The following SUSD6 variants were observed in gnomAD, a reference collection of about 807,000 sequenced individuals.
The protein encoded by SUSD6 is sushi domain containing 6.
Under a neutral mutation model 28.4 loss-of-function variants are expected in SUSD6, and 16 were observed. The ratio of observed to expected loss-of-function variants is 0.56; its 90% confidence interval spans 0.38 to 0.86. The LOEUF (loss-of-function observed/expected upper bound fraction) is 0.86, where lower values mean the gene tolerates loss of function less well. Among genes scored for constraint, SUSD6 ranks in the 40% least tolerant of loss-of-function variants. The pLI is 0.00. For synonymous variants in SUSD6, 147 were observed against 159.6 expected (o/e 0.92, Z 0.59); for missense variants, 341 against 384.2 (o/e 0.89, Z 0.94).
At chr14:69,625,593 C>T (rs1885102609) in intron 1 of SUSD6, among the ~76,000 whole-genome samples, 4 of 152,176 alleles carry the variant, frequency 2.6e-5, no homozygotes, top group African/African-American at 9.7e-5. Flanking sequence ...CCGGTCTGGA[C>T]AGAGGGGGTT....
chr14:69,714,762 A>T lies in SUSD6; in HGVS notation c.*3783A>T, dbSNP rs888572527. 3 of 152,218 alleles carry T rather than the reference A, an allele frequency of 2.0e-5. No individual in the cohort carries two copies. The highest frequency in any genetic ancestry group is 6.5e-5 in the Admixed American group (1 of 15,280). 9.4% of individuals were successfully genotyped at this position (152,218 alleles called of 1,614,324 possible). A position where few individuals can be genotyped will look rare whatever the true frequency, so the allele number is the denominator to read the frequency against. ...ACCTCAAGGTTGAGCCCCTCTGCCAAGCAGCAGAGCTAGTAGAAGGGGATG... is the reference window on the plus strand; with the variant it reads ...ACCTCAAGGTTGAGCCCCTCTGCCATGCAGCAGAGCTAGTAGAAGGGGATG... On this transcript the variant is annotated 3_prime_UTR_variant, in exon 6 of 6. Transcript: ENST00000342745.
chr14:69,700,602 C>T (rs1594722808), intron 2 of SUSD6, among the ~76,000 whole-genome samples: 1 of 152,196 alleles, frequency 6.6e-6, no homozygotes, highest in East Asian at 1.9e-4. Context: ...CACTTCAGTG[C>T]ATTTACTTCA....
In SUSD6 at chr14:69,711,058, C is replaced by G; in HGVS notation, c.*79C>G. 2.1e-6 allele frequency: 3 copies of G among 1,437,708 alleles called. No homozygotes were observed. The highest frequency in any genetic ancestry group is 1.1e-5 in the South Asian group (1 of 87,326). 89.1% of individuals were successfully genotyped at this position (1,437,708 alleles called of 1,614,324 possible). On this transcript the variant is annotated 3_prime_UTR_variant, in exon 6 of 6. Coordinates refer to ENST00000342745, the MANE Select transcript of SUSD6 (RefSeq NM_014734.4). ...TCCCTGTGGGATTGAGCACCCTGTA[C>G]TCTCCAGCCACCTTACCTGGATACC...
intron 2 of SUSD6, among the ~76,000 whole-genome samples, chr14:69,679,398 T>TA (rs1470970578): frequency 2.0e-5 from 3 of 152,206 alleles, no homozygotes; most frequent in Non-Finnish European, 4.4e-5. Context: ...TATAAATATG[T>TA]AAAATTTTTA....
At chr14:69,629,384 T>C (rs949041750) in intron 1 of SUSD6, among the ~76,000 whole-genome samples, 3 of 152,136 alleles carry the variant, frequency 2.0e-5, no homozygotes, top group Non-Finnish European at 4.4e-5. Flanking sequence ...ATTTATAGAC[T>C]GGCCTGTACT....
At chr14:69,655,022 T>C (rs1885560740) in intron 1 of SUSD6, among the ~76,000 whole-genome samples, 1 of 152,068 alleles carries the variant, frequency 6.6e-6, no homozygotes, top group African/African-American at 2.4e-5. Context: ...CTTGAACTCC[T>C]CACCTTGTGA....
intron 1 of SUSD6, among the ~76,000 whole-genome samples, chr14:69,626,392 A>G (rs1007108817): frequency 1.3e-5 from 2 of 152,204 alleles, no homozygotes; most frequent in African/African-American, 2.4e-5. Flanking sequence ...AATTTTACCA[A>G]TCTCAGTTTG....
At chr14:69,708,613 A>G (rs956054471) in intron 4 of SUSD6, 64 bp from the exon 5 acceptor site, 93 of 1,352,180 alleles carry the variant, frequency 6.9e-5, no homozygotes, top group Non-Finnish European at 6.3e-5. Context: ...TATTATTATT[A>G]TCATGCCTGT....
At chr14:69,619,083 A>G (rs559684471) in intron 1 of SUSD6, among the ~76,000 whole-genome samples, 2 of 152,276 alleles carry the variant, frequency 1.3e-5, no homozygotes, top group East Asian at 1.9e-4. Flanking sequence ...CCTGATTCCT[A>G]GTCTAGTGCT....
At chr14:69,694,870 C>T (rs67737953) in intron 2 of SUSD6, among the ~76,000 whole-genome samples, 33,494 of 151,982 alleles carry the variant, frequency 0.22, 4,042 homozygotes, top group South Asian at 0.31. Flanking sequence ...GCTGATCTTC[C>T]GAGGAGGGCT....
intron 2 of SUSD6, among the ~76,000 whole-genome samples, chr14:69,694,834 TC>T (rs1238583417): frequency 7.9e-5 from 12 of 152,158 alleles, no homozygotes; most frequent in African/African-American, 2.9e-4. Flanking sequence ...GATGGACAGG[TC>T]CGAGGCCTGT....
intron 2 of SUSD6, among the ~76,000 whole-genome samples, chr14:69,691,544 T>C (rs1886152757): frequency 6.6e-6 from 1 of 152,188 alleles, no homozygotes; most frequent in African/African-American, 2.4e-5. Context: ...AGTGGCCTGT[T>C]GAGTGCCTAA....
chr14:69,624,016 T>C (rs1885078765), intron 1 of SUSD6, among the ~76,000 whole-genome samples: 1 of 152,226 alleles, frequency 6.6e-6, no homozygotes, highest in African/African-American at 2.4e-5. Flanking sequence ...TCTACAGTAA[T>C]GTACAGTAAT....
intron 2 of SUSD6, among the ~76,000 whole-genome samples, chr14:69,677,546 C>CAAAAA (rs57290539): frequency 8.7e-6 from 1 of 114,498 alleles, no homozygotes; most frequent in Non-Finnish European, 1.8e-5. Context: ...GACTCCGTCT[C>CAAAAA]AAAAAAAAAA....
At chr14:69,617,878 T>A (rs1292123637) in intron 1 of SUSD6, among the ~76,000 whole-genome samples, 2 of 152,114 alleles carry the variant, frequency 1.3e-5, no homozygotes, top group African/African-American at 2.4e-5. Flanking sequence ...GGTCTGTGAG[T>A]GCCCTGAAAA....
At chr14:69,655,520 G>T (rs1885568733) in intron 1 of SUSD6, among the ~76,000 whole-genome samples, 1 of 152,262 alleles carries the variant, frequency 6.6e-6, no homozygotes, top group African/African-American at 2.4e-5. Flanking sequence ...ATGCTAGCCA[G>T]GCAGAGTGGC....
intron 1 of SUSD6, among the ~76,000 whole-genome samples, chr14:69,633,408 AC>A (rs1252340932): frequency 1.3e-5 from 2 of 152,024 alleles, no homozygotes; most frequent in Non-Finnish European, 2.9e-5. Context: ...TCTCTTCCCG[AC>A]CTTACCCTGC....
At position 69,654,790 on chromosome 14, in the gene SUSD6, G is replaced by GGTGTGTGTGTGT. The variant is rs34122510; in HGVS notation, c.-80-3711_-80-3700dup. On this transcript the variant is annotated intron_variant, in intron 1 of 5. Transcript: ENST00000342745. ...CAATTTCTTTTTTTTTTTTTTTTTT[G>GGTGTGTGTGTGT]GTGTGTGTGTGTGTGTGTGTGTGAA... Among the ~76,000 whole-genome samples the GGTGTGTGTGTGT allele has an allele frequency of 7.1e-4, 70 of 98,988 alleles. No homozygotes were observed. In the South Asian group the frequency reaches 0.016, roughly 22 times the overall value. 64.9% of individuals were successfully genotyped at this position (98,988 alleles called of 152,430 possible). A position where few individuals can be genotyped will look rare whatever the true frequency, so the allele number is the denominator to read the frequency against.
chr14:69,646,387 T>G (rs920476564), intron 1 of SUSD6, among the ~76,000 whole-genome samples: 1 of 152,184 alleles, frequency 6.6e-6, no homozygotes, highest in African/African-American at 2.4e-5. Context: ...CTTTCCTAGG[T>G]GAGCTCATCT....
Sources: gnomAD v4.1 joint callset for allele counts (sites outside exome capture counted in the v4.1 genomes callset) on GRCh38, gnomAD v4.1.1 for gene constraint, MANE v1.5 for transcripts, NCBI Gene and HGNC (gene_info 2026-07-23, HGNC 2026-07-21) for gene names.